GIGYF2: variants seen among roughly 807,000 people sequenced by gnomAD.
GIGYF2 encodes GRB10-interacting GYF protein 2.
GIGYF2 carries 25 observed loss-of-function variants against 208.1 expected under a neutral mutation model. The observed-to-expected ratio is 0.12, with a 90% confidence interval of 0.09 to 0.17. GIGYF2 has a LOEUF of 0.17. GIGYF2 is among the 10% of genes least tolerant of loss of function. The pLI is 1.00. For synonymous variants in GIGYF2, 534 were observed against 543.8 expected, an observed-to-expected ratio of 0.98 and a Z score of 0.25; for missense variants, 1,302 against 1,579.4, an observed-to-expected ratio of 0.82 and a Z score of 2.98.
At position 232,811,274 on chromosome 2, in the gene GIGYF2, G is replaced by A. The variant is rs751560221; in HGVS notation, c.1929G>A (p.Gln643=). The A allele has an allele frequency of 1.2e-6, 2 of 1,611,368 alleles. No homozygotes were observed. Among genetic ancestry groups the A allele is most frequent in the South Asian group, 1.1e-5 (1 of 91,004 alleles). ...QQQYAQVLAQ[Q]QKAALSSQQQ... ...AATATGCACAGGTTTTGGCCCAACA[G>A]CAGAAAGCAGCACTGTCTTCCCAGC... Residue 643 remains glutamine, a synonymous_variant, in exon 17 of 29, where the codon CAG becomes CAA. Coordinates refer to ENST00000373563, the MANE Select transcript of GIGYF2 (RefSeq NM_001103146.3).
rs141010921 is a variant in GIGYF2 at position 232,860,350 on chromosome 2, A to G, written c.*3490A>G. 5.9e-4 allele frequency: 89 copies of G among 151,190 alleles called. No individual in the cohort carries two copies. Among genetic ancestry groups the G allele is most frequent in the African/African-American group, 2.0e-3 (81 of 41,280 alleles). 9.4% of individuals were successfully genotyped at this position (151,190 alleles called of 1,614,324 possible). A position where few individuals can be genotyped will look rare whatever the true frequency, so the allele number is the denominator to read the frequency against. ...TGGTACTTCTGGCTTTATTTAAATAATTTTTTTAGGGAAACCATTGTATTT... is the reference window on the plus strand; with the variant it reads ...TGGTACTTCTGGCTTTATTTAAATAGTTTTTTTAGGGAAACCATTGTATTT... On this transcript the variant is annotated 3_prime_UTR_variant, in exon 29 of 29. Coordinates refer to ENST00000373563, the MANE Select transcript of GIGYF2 (RefSeq NM_001103146.3).
At chr2:232,854,205 C>G (rs965736590) in intron 28 of GIGYF2, among the ~76,000 whole-genome samples, 1 of 152,092 alleles carries the variant, frequency 6.6e-6, no homozygotes, top group African/African-American at 2.4e-5. Context: ...AAAACATAAA[C>G]ATTAGGGTCA....
chr2:232,848,983 TATTC>T (rs1430936066), intron 27 of GIGYF2, among the ~76,000 whole-genome samples: 1 of 152,194 alleles, frequency 6.6e-6, no homozygotes, highest in African/African-American at 2.4e-5. Flanking sequence ...GGCTTAAAGA[TATTC>T]ATATCCTTTA....
rs1700567734 is a variant in GIGYF2, at chr2:232,806,552, A to G, written c.1701A>G (p.Leu567=). 4 of 1,610,148 alleles carry G rather than the reference A, an allele frequency of 2.5e-6. No homozygotes were observed. Among genetic ancestry groups the G allele is most frequent in the Non-Finnish European group, 3.4e-6 (4 of 1,176,514 alleles). ...WFQAGYFTMS[L]LVKRACDESF... The stretch of plus-strand genomic sequence containing the variant: ...AGGCGGGCTATTTTACTATGTCTTT[A>G]TTGGTGAAGAGAGCGTGTGATGAAA... The change falls in exon 15 of 29, where the codon TTA becomes TTG. Residue 567 remains leucine, a synonymous_variant. Coordinates refer to ENST00000373563, the MANE Select transcript of GIGYF2 (RefSeq NM_001103146.3). The surrounding 1 kb of genome is among the most constrained non-coding windows in gnomAD (Gnocchi z 4.0).
intron 28 of GIGYF2, among the ~76,000 whole-genome samples, chr2:232,851,808 C>A (rs762110504): frequency 6.6e-6 from 1 of 152,114 alleles, no homozygotes; most frequent in Admixed American, 6.6e-5. Flanking sequence ...GATGGAAGTT[C>A]CGGTTGTTGT....
chr2:232,723,571 A>G (rs1697042300), intron 2 of GIGYF2, among the ~76,000 whole-genome samples: 1 of 147,328 alleles, frequency 6.8e-6, no homozygotes, highest in South Asian at 2.1e-4. Flanking sequence ...CTGGGAGTAC[A>G]GGTGCACGCC....
At chr2:232,743,179 A>T (rs1253052256) in intron 3 of GIGYF2, among the ~76,000 whole-genome samples, 2 of 152,200 alleles carry the variant, frequency 1.3e-5, no homozygotes, top group African/African-American at 4.8e-5. Context: ...TGAACAGTGC[A>T]GGAGCTAGTG....
intron 14 of GIGYF2, among the ~76,000 whole-genome samples, chr2:232,801,651 A>T (rs1414030421): frequency 1.3e-5 from 2 of 152,264 alleles, no homozygotes; most frequent in Non-Finnish European, 2.9e-5. Context: ...TTAAAAATCT[A>T]CTTGGCAGTG....
intron 2 of GIGYF2, among the ~76,000 whole-genome samples, chr2:232,727,584 A>G (rs955634130): frequency 2.0e-5 from 3 of 152,214 alleles, no homozygotes; most frequent in Non-Finnish European, 2.9e-5. Context: ...TGGTGAGAAT[A>G]GTACCTCAGG....
chr2:232,833,291 A>G (rs991302875), intron 22 of GIGYF2, 198 bp downstream of exon 22: 2 of 252,186 alleles, frequency 7.9e-6, no homozygotes, highest in African/African-American at 2.3e-5. Flanking sequence ...ATCTTGGTTC[A>G]CTGTAACCTC....
chr2:232,703,283 A>G (rs889590462), intron 1 of GIGYF2, 141 bp from the exon 2 acceptor site: 7 of 152,608 alleles, frequency 4.6e-5, no homozygotes, highest in African/African-American at 1.7e-4. Context: ...AACCTAGTTT[A>G]TAAATACACC....
In GIGYF2 at chr2:232,755,615, T is replaced by C. The variant is rs900810829; in HGVS notation, c.268-608T>C. ...CAAATGCAGGTTAATAACTGAGTGA[T>C]TGGGTTTTACTTTAACTTATTAAGT... On this transcript the variant is annotated intron_variant, in intron 5 of 28. Transcript: ENST00000373563. 3.5e-4 allele frequency among the ~76,000 whole-genome samples: 54 copies of C among 152,230 alleles called. 1 individual carries two copies. The highest frequency in any genetic ancestry group is 2.0e-4 in the Admixed American group (3 of 15,288).
intron 2 of GIGYF2, among the ~76,000 whole-genome samples, chr2:232,712,469 T>A (rs1479362271): frequency 6.6e-6 from 1 of 152,216 alleles, no homozygotes; most frequent in Non-Finnish European, 1.5e-5. Flanking sequence ...CTCTCTCTTA[T>A]GAGTACATGC....
chr2:232,757,044 A>G (rs1323061835), intron 6 of GIGYF2, among the ~76,000 whole-genome samples: 1 of 152,202 alleles, frequency 6.6e-6, no homozygotes, highest in Non-Finnish European at 1.5e-5. Context: ...TTTCTGTAAG[A>G]GATGCTTTAG....
chr2:232,822,526 C>T (rs979958630), intron 21 of GIGYF2, among the ~76,000 whole-genome samples: 5 of 152,140 alleles, frequency 3.3e-5, no homozygotes, highest in Non-Finnish European at 5.9e-5. Flanking sequence ...ACTAAAAATA[C>T]AAAAATTAGC....
At chr2:232,842,264 CA>C (rs1045923363) in intron 23 of GIGYF2, among the ~76,000 whole-genome samples, 92 of 152,098 alleles carry the variant, frequency 6.0e-4, no homozygotes, top group Middle Eastern at 3.4e-3. Context: ...GATGGTAACT[CA>C]CTGTAACCTT....
intron 14 of GIGYF2, among the ~76,000 whole-genome samples, chr2:232,804,081 T>C (rs1299252540): frequency 6.6e-6 from 1 of 152,090 alleles, no homozygotes; most frequent in Non-Finnish European, 1.5e-5. Flanking sequence ...AGACTGATTC[T>C]TCCCAGTTTA....
chr2:232,830,217 A>C (rs561544556), intron 21 of GIGYF2, among the ~76,000 whole-genome samples: 18 of 152,084 alleles, frequency 1.2e-4, no homozygotes, highest in Non-Finnish European at 2.5e-4. Flanking sequence ...TCCTGACCTC[A>C]TGTGATCCTC....
chr2:232,712,896 T>C (rs1250871580), intron 2 of GIGYF2, among the ~76,000 whole-genome samples: 1 of 152,184 alleles, frequency 6.6e-6, no homozygotes, highest in Non-Finnish European at 1.5e-5. Flanking sequence ...TTTTTAGTGC[T>C]AAGTAGATAA....
Sources: gnomAD v4.1 joint callset for allele counts (sites outside exome capture counted in the v4.1 genomes callset) on GRCh38, gnomAD v4.1.1 for gene constraint, Gnocchi (gnomAD v3.1) non-coding constraint, MANE v1.5 for transcripts, NCBI Gene and HGNC (gene_info 2026-07-23, HGNC 2026-07-21) for gene names.